The following CCDC171 variants were observed in gnomAD, a reference collection of about 807,000 sequenced individuals.
The protein encoded by CCDC171 is coiled-coil domain-containing protein 171.
In CCDC171, 177 loss-of-function variants were observed where a neutral mutation model predicts 168.2. The ratio of observed to expected loss-of-function variants is 1.05; its 90% CI spans 0.93 to 1.19. CCDC171 has a LOEUF of 1.19. CCDC171 is among the 50% of genes most tolerant of loss of function. The pLI is 0.00. For synonymous variants in CCDC171, 687 were observed against 540.8 expected (o/e 1.27, Z -3.75); for missense variants, 1,991 against 1,539.0 (o/e 1.29, Z -4.91).
chr9:15,659,231 C>T (rs186535552), intron 8 of CCDC171, among the ~76,000 whole-genome samples: 119 of 152,168 alleles, frequency 7.8e-4, no homozygotes, highest in African/African-American at 2.7e-3. Context: ...AAGCAACTGC[C>T]GGTAGCTTAT....
intron 10 of CCDC171, among the ~76,000 whole-genome samples, chr9:15,692,939 C>G (rs1188135405): frequency 6.6e-6 from 1 of 151,916 alleles, no homozygotes; most frequent in Non-Finnish European, 1.5e-5. Flanking sequence ...GAGTTCAAGA[C>G]CAGCCTGGTC....
At chr9:15,656,179 C>A (rs1271888835) in intron 7 of CCDC171, among the ~76,000 whole-genome samples, 1 of 151,890 alleles carries the variant, frequency 6.6e-6, no homozygotes, top group Non-Finnish European at 1.5e-5. Flanking sequence ...ATTAGCTGGG[C>A]GTGGTGGCCG....
intron 10 of CCDC171, among the ~76,000 whole-genome samples, chr9:15,685,293 A>T (rs1313486073): frequency 2.0e-5 from 3 of 152,168 alleles, no homozygotes; most frequent in African/African-American, 7.2e-5. Context: ...GTATATTAAA[A>T]GGTTGTTAAG....
At chr9:16,001,396 GTA>G (rs1832540372) in intron 3 of CCDC171, among the ~76,000 whole-genome samples, 1 of 150,476 alleles carries the variant, frequency 6.6e-6, no homozygotes, top group African/African-American at 2.4e-5. Flanking sequence ...TTTCTCATAT[GTA>G]TGTGTGTGTG....
At chr9:15,634,589 T>C (rs1429513766) in intron 7 of CCDC171, among the ~76,000 whole-genome samples, 3 of 152,138 alleles carry the variant, frequency 2.0e-5, no homozygotes, top group Non-Finnish European at 4.4e-5. Context: ...CTACTTGGGG[T>C]AAGGGTGGAT....
chr9:15,724,066 C>T (rs2053654977), intron 13 of CCDC171, among the ~76,000 whole-genome samples: 1 of 152,110 alleles, frequency 6.6e-6, no homozygotes, highest in Admixed American at 6.6e-5. Context: ...ACATATTTTA[C>T]ATAAGCACAT....
At chr9:16,088,870 C>G in the CCDC171 span, among the ~76,000 whole-genome samples, 2 of 152,054 alleles carry the variant, frequency 1.3e-5, no homozygotes, top group African/African-American at 4.8e-5. Flanking sequence ...TTTTAAATTT[C>G]ATATGGAATC....
intron 11 of CCDC171, among the ~76,000 whole-genome samples, chr9:15,700,315 GGGCCGGCC>G (rs1387777644): frequency 2.6e-5 from 4 of 152,368 alleles, no homozygotes; most frequent in African/African-American, 7.2e-5. Context: ...GGGGCTGGCA[GGGCCGGCC>G]GGCTGCTCTG....
chr9:15,865,033 G>A lies in CCDC171; in HGVS notation c.3469-9499G>A, dbSNP rs183525894. Among the ~76,000 whole-genome samples, 23 of 152,012 alleles carry A rather than the reference G, an allele frequency of 1.5e-4. No individual in the cohort carries two copies. In the East Asian group the frequency reaches 2.1e-3, roughly 14 times the overall value. On this transcript the variant is annotated intron_variant, in intron 23 of 25. Coordinates refer to ENST00000380701, the MANE Select transcript of CCDC171 (RefSeq NM_173550.4). ...CTGAGAAGTCTTAGATGCTTTTATC[G>A]TAAATCATCTAAAAGATAAAACAGG... is the stretch of plus-strand genomic sequence containing the variant.
chr9:15,659,111 G>A (rs2048136319), intron 8 of CCDC171, among the ~76,000 whole-genome samples: 1 of 152,180 alleles, frequency 6.6e-6, no homozygotes, highest in African/African-American at 2.4e-5. Flanking sequence ...AGCAGTTTAA[G>A]AGGTTCATAG....
At chr9:16,094,245 C>T in the CCDC171 span, among the ~76,000 whole-genome samples, 5 of 152,104 alleles carry the variant, frequency 3.3e-5, no homozygotes, top group African/African-American at 1.2e-4. Flanking sequence ...CTTTAGCAGC[C>T]ATTAGGAGGT....
chr9:15,729,568 C>T (rs376614950), intron 15 of CCDC171, 42 bp from the exon 16 acceptor site: 56 of 1,334,866 alleles, frequency 4.2e-5, no homozygotes, highest in Non-Finnish European at 2.9e-5. Flanking sequence ...AAAGAAATAG[C>T]TTGTGAGCAT....
chr9:15,851,014 C>T (rs1044854779), intron 23 of CCDC171, among the ~76,000 whole-genome samples: 7 of 151,916 alleles, frequency 4.6e-5, no homozygotes, highest in Admixed American at 2.0e-4. Flanking sequence ...AAGTCTTACC[C>T]GCTGAGTTGA....
At chr9:15,614,081 C>G (rs2043909372) in intron 6 of CCDC171, among the ~76,000 whole-genome samples, 1 of 152,176 alleles carries the variant, frequency 6.6e-6, no homozygotes, top group Non-Finnish European at 1.5e-5. Context: ...GTGGGCTGAT[C>G]AAAACTCTGC....
At chr9:15,796,845 A>G (rs1304029388) in intron 21 of CCDC171, among the ~76,000 whole-genome samples, 1 of 152,214 alleles carries the variant, frequency 6.6e-6, no homozygotes, top group Non-Finnish European at 1.5e-5. Context: ...AGGAGAGCCT[A>G]CAGATTCCCC....
At chr9:15,556,535 A>T (rs10756673) in intron 1 of CCDC171, among the ~76,000 whole-genome samples, 5 of 151,916 alleles carry the variant, frequency 3.3e-5, no homozygotes, top group African/African-American at 1.2e-4. Flanking sequence ...GCATAAATAT[A>T]TTCTTTTGAG....
chr9:15,932,706 G>A (rs933858912), intron 25 of CCDC171, among the ~76,000 whole-genome samples: 4 of 151,816 alleles, frequency 2.6e-5, no homozygotes, highest in Middle Eastern at 3.4e-3. Context: ...GGGGAAAAAC[G>A]TCTTCTCCCC....
At chr9:15,848,239 G>C (rs1291549027) in intron 22 of CCDC171, among the ~76,000 whole-genome samples, 3 of 151,956 alleles carry the variant, frequency 2.0e-5, no homozygotes, top group Non-Finnish European at 4.4e-5. Flanking sequence ...GAAATCTGGA[G>C]ACTAATACAT....
At chr9:15,740,630 G>C (rs1430396717) in intron 16 of CCDC171, among the ~76,000 whole-genome samples, 1 of 152,060 alleles carries the variant, frequency 6.6e-6, no homozygotes, top group Non-Finnish European at 1.5e-5. Context: ...AGTAGAGACA[G>C]GGTTTCACCA....
Sources: gnomAD v4.1 joint callset for allele counts (sites outside exome capture counted in the v4.1 genomes callset) on GRCh38, gnomAD v4.1.1 for gene constraint, MANE v1.5 for transcripts, NCBI Gene and HGNC (gene_info 2026-07-23, HGNC 2026-07-21) for gene names.